Variants in AFG3L2 observed in about 807,000 individuals in gnomAD.
AFG3L2 encodes mitochondrial inner membrane m-AAA protease component AFG3L2.
A neutral mutation model predicts 94.5 loss-of-function variants in AFG3L2; 54 were observed. That is an observed-to-expected ratio of 0.57 (90% CI 0.46 to 0.72). AFG3L2 has a LOEUF of 0.72. AFG3L2 is among the 30% of genes least tolerant of loss of function. The pLI is 0.00. For synonymous variants in AFG3L2, 377 were observed against 365.5 expected (o/e 1.03, Z -0.36); for missense variants, 754 against 994.9 (o/e 0.76, Z 3.26).
chr18:12,374,953 G>A (rs1285796452), intron 1 of AFG3L2, among the ~76,000 whole-genome samples: 2 of 151,862 alleles, frequency 1.3e-5, no homozygotes, highest in Non-Finnish European at 2.9e-5. Context: ...CTACTCGGGA[G>A]GCTGAGGCAG....
chr18:12,376,877 G>A (rs1399616805), intron 1 of AFG3L2, 92 bp downstream of exon 1: 2 of 1,008,058 alleles, frequency 2.0e-6, no homozygotes, highest in Non-Finnish European at 1.3e-6. Context: ...GCGGCCGGAG[G>A]GCGGGGGCCA....
chr18:12,370,155 A>G (rs1284453146), intron 3 of AFG3L2, among the ~76,000 whole-genome samples: 1 of 152,042 alleles, frequency 6.6e-6, no homozygotes, highest in Non-Finnish European at 1.5e-5. Context: ...AGTCTCTCCG[A>G]ATCCCTAAGG....
intron 16 of AFG3L2, among the ~76,000 whole-genome samples, chr18:12,334,684 A>G (rs1907686250): frequency 6.6e-6 from 1 of 152,110 alleles, no homozygotes. Context: ...CCACCCCTGC[A>G]GGCACCACCT....
chr18:12,370,159 C>T (rs1029940471), intron 3 of AFG3L2, among the ~76,000 whole-genome samples: 1 of 151,932 alleles, frequency 6.6e-6, no homozygotes, highest in African/African-American at 2.4e-5. Context: ...TCTCCGAATC[C>T]CTAAGGTGAG....
rs545176956 is a variant in AFG3L2 at position 12,352,381 on chromosome 18, CA to C, written c.1318+623del. Among the ~76,000 whole-genome samples the C allele has an allele frequency of 8.9e-4, 135 of 152,308 alleles. 2 individuals are homozygous for C. The South Asian group carries it at 0.028, about 31-fold the overall frequency. ...TGGCACTGTGCTTCCCCTTTCTGCA[CA>C]AACAACCAAGCATCCACATTTTTAT... is the stretch of plus-strand genomic sequence containing the variant. On this transcript the variant is annotated intron_variant, in intron 10 of 16. Transcript: ENST00000269143.
intron 12 of AFG3L2, among the ~76,000 whole-genome samples, chr18:12,349,156 C>A (rs1908234098): frequency 6.6e-6 from 1 of 152,116 alleles, no homozygotes; most frequent in Non-Finnish European, 1.5e-5. Flanking sequence ...GGAATAAGCA[C>A]ATGAAAAGAT....
At chr18:12,333,127 TA>T (rs1568132173) in intron 16 of AFG3L2, among the ~76,000 whole-genome samples, 9 of 60,444 alleles carry the variant, frequency 1.5e-4, no homozygotes, top group Non-Finnish European at 3.1e-4. Flanking sequence ...TAATAGATTA[TA>T]TATATAATAT....
At chr18:12,365,851 A>G (rs1908787416) in intron 5 of AFG3L2, among the ~76,000 whole-genome samples, 2 of 149,996 alleles carry the variant, frequency 1.3e-5, no homozygotes, top group Admixed American at 6.7e-5. Flanking sequence ...TCTGGTGTCT[A>G]TCACTACACT....
At chr18:12,339,838 G>A (rs1318624324) in intron 15 of AFG3L2, among the ~76,000 whole-genome samples, 11 of 133,116 alleles carry the variant, frequency 8.3e-5, no homozygotes, top group African/African-American at 3.1e-4. Context: ...AAGAGTGCGA[G>A]GCTCAGTCTC....
rs561553387 is a variant in AFG3L2 at position 12,331,018 on chromosome 18, G to A, written c.2176-1235C>T. On this transcript the variant is annotated intron_variant, in intron 16 of 16. Coordinates refer to ENST00000269143, the MANE Select transcript of AFG3L2 (RefSeq NM_006796.3). ...GTAGCCAATCAAGCAGTCATGCACC[G>A]CTAAGAGCAGTCATGCACTGCTAAC... Among the ~76,000 whole-genome samples the A allele has an allele frequency of 2.1e-3, 317 of 152,296 alleles. 1 individual carries two copies. Among genetic ancestry groups the A allele is most frequent in the Admixed American group, 3.3e-3 (51 of 15,300 alleles).
intron 13 of AFG3L2, among the ~76,000 whole-genome samples, chr18:12,345,928 C>T (rs1044290602): frequency 4.6e-5 from 7 of 152,140 alleles, no homozygotes; most frequent in African/African-American, 1.4e-4. Context: ...CACCTATCCC[C>T]GGCAAACCAC....
chr18:12,366,748 G>A (rs1471772988), intron 5 of AFG3L2, among the ~76,000 whole-genome samples: 1 of 152,254 alleles, frequency 6.6e-6, no homozygotes, highest in East Asian at 1.9e-4. Context: ...GTTCTGGGAG[G>A]TAGTGAAATA....
intron 16 of AFG3L2, among the ~76,000 whole-genome samples, chr18:12,333,162 TATATA>T (rs1371609049): frequency 4.0e-4 from 12 of 30,314 alleles, no homozygotes; most frequent in Non-Finnish European, 4.9e-4. Flanking sequence ...TAATCTAATA[TATATA>T]ATAATAGATA....
At chr18:12,340,758 G>A (rs774835910) in intron 14 of AFG3L2, among the ~76,000 whole-genome samples, 1 of 151,942 alleles carries the variant, frequency 6.6e-6, no homozygotes, top group Non-Finnish European at 1.5e-5. Flanking sequence ...ACCAGGCCTG[G>A]CTAATTTTTT....
intron 3 of AFG3L2, among the ~76,000 whole-genome samples, chr18:12,368,793 G>A (rs34663858): frequency 0.069 from 10,455 of 152,142 alleles, 1,185 homozygotes; most frequent in African/African-American, 0.24. Flanking sequence ...TAGAGATAGG[G>A]TTTCATCATG....
intron 5 of AFG3L2, among the ~76,000 whole-genome samples, chr18:12,366,737 A>T (rs1174212841): frequency 6.6e-6 from 1 of 152,356 alleles, no homozygotes; most frequent in African/African-American, 2.4e-5. Context: ...TCCAAAACCC[A>T]GTTCTGGGAG....
At chr18:12,376,149 G>A (rs1461179180) in intron 1 of AFG3L2, among the ~76,000 whole-genome samples, 1 of 152,180 alleles carries the variant, frequency 6.6e-6, no homozygotes, top group Non-Finnish European at 1.5e-5. Flanking sequence ...CAGTGAAGAC[G>A]TTGAGCTGAC....
chr18:12,361,030 T>A (rs1361804359), intron 6 of AFG3L2, among the ~76,000 whole-genome samples: 1 of 152,208 alleles, frequency 6.6e-6, no homozygotes, highest in African/African-American at 2.4e-5. Context: ...CCTGCAATCA[T>A]CTTTTTTTAG....
intron 12 of AFG3L2, 131 bp from the exon 13 acceptor site, chr18:12,348,514 T>C: frequency 4.0e-6 from 3 of 748,280 alleles, no homozygotes; most frequent in Non-Finnish European, 7.0e-6. Context: ...TGTGTAAATA[T>C]AATTCTGTTT....
Sources: gnomAD v4.1 joint callset for allele counts (sites outside exome capture counted in the v4.1 genomes callset) on GRCh38, gnomAD v4.1.1 for gene constraint, MANE v1.5 for transcripts, NCBI Gene and HGNC (gene_info 2026-07-23, HGNC 2026-07-21) for gene names.